The following BNC2 variants were observed in gnomAD, a reference collection of about 807,000 sequenced individuals.
The protein encoded by BNC2 is zinc finger protein basonuclin-2.
A neutral mutation model predicts 76.3 loss-of-function variants in BNC2; 20 were observed. That is an observed-to-expected ratio of 0.26 (90% CI 0.18 to 0.38). The LOEUF is 0.38. BNC2 is among the 10% of genes least tolerant of loss of function. BNC2 has a pLI of 1.00. For missense variants in BNC2, 1,382 were observed against 1,399.8 expected (o/e 0.99, Z 0.20); for synonymous variants, 582 against 514.8 (o/e 1.13, Z -1.77).
chr9:16,657,544 G>A lies in BNC2; in HGVS notation c.330+70253C>T, dbSNP rs574090926. 5.9e-5 allele frequency among the ~76,000 whole-genome samples: 9 copies of A among 152,300 alleles called. No individual in the cohort carries two copies. The East Asian group carries it at 1.4e-3, about 23-fold the overall frequency. On this transcript the variant is annotated intron_variant, in intron 3 of 6. Coordinates refer to ENST00000380672, the MANE Select transcript of BNC2 (RefSeq NM_017637.6). ...TTTATGTCCTCTTTCTAAAGGCTGAGTTCTGAATGGAAGTTGAGAGAAAGG... is the reference window on the plus strand; with the variant it reads ...TTTATGTCCTCTTTCTAAAGGCTGAATTCTGAATGGAAGTTGAGAGAAAGG...
chr9:16,725,435 T>A (rs1194158063), intron 3 of BNC2, among the ~76,000 whole-genome samples: 1 of 151,864 alleles, frequency 6.6e-6, no homozygotes, highest in Non-Finnish European at 1.5e-5. Flanking sequence ...TTTCCAAAAA[T>A]GCACAAGAGG....
intron 5 of BNC2, among the ~76,000 whole-genome samples, chr9:16,544,723 T>A (rs566862459): frequency 1.9e-4 from 28 of 150,426 alleles, no homozygotes; most frequent in Non-Finnish European, 3.7e-4. Context: ...GGCAGGAGAA[T>A]CACCCGAATC....
Position 16,413,070 on chromosome 9 carries a change from G to A in BNC2, c.*5919C>T, listed in dbSNP as rs1453386554. 6.6e-6 allele frequency: 1 copy of A among 152,602 alleles called. No individual in the cohort carries two copies. The highest frequency in any genetic ancestry group is 1.5e-5 in the Non-Finnish European group (1 of 68,040). 9.5% of individuals were successfully genotyped at this position (152,602 alleles called of 1,614,324 possible). On this transcript the variant is annotated 3_prime_UTR_variant, in exon 7 of 7. Transcript: ENST00000380672. ...GACAAGTATGTTATTAGAAAGATAC[G>A]AGGTGAAATTGAACTGAAGCTTCTT...
At chr9:16,717,427 G>GTA (rs1220314311) in intron 3 of BNC2, among the ~76,000 whole-genome samples, 1 of 152,116 alleles carries the variant, frequency 6.6e-6, no homozygotes, top group African/African-American at 2.4e-5. Context: ...TCTAAGGAAA[G>GTA]TATATACTTC....
intron 5 of BNC2, among the ~76,000 whole-genome samples, chr9:16,457,991 C>T (rs1364095877): frequency 1.3e-5 from 2 of 152,094 alleles, no homozygotes; most frequent in African/African-American, 2.4e-5. Context: ...TTCTGTTGCT[C>T]GATCCAGGAA....
intron 3 of BNC2, among the ~76,000 whole-genome samples, chr9:16,622,904 T>G (rs1467958865): frequency 6.6e-6 from 1 of 152,180 alleles, no homozygotes; most frequent in African/African-American, 2.4e-5. Flanking sequence ...ATTTCTCTAC[T>G]GTTAAAAAAC....
At position 16,663,515 on chromosome 9, in the gene BNC2, C is replaced by T. The variant is rs111379261; in HGVS notation, c.330+64282G>A. 5.6e-4 allele frequency among the ~76,000 whole-genome samples: 85 copies of T among 152,200 alleles called. 1 individual carries two copies. Among genetic ancestry groups the T allele is most frequent in the African/African-American group, 2.0e-3 (82 of 41,520 alleles). Reference sequence around the variant, plus strand: ...TCCAGCTCTGTGATTCTGGACTATACTATAAAAAGAAGGGACTGAACTTCA... The same window carrying T: ...TCCAGCTCTGTGATTCTGGACTATATTATAAAAAGAAGGGACTGAACTTCA... On this transcript the variant is annotated intron_variant, in intron 3 of 6. Transcript: ENST00000380672.
chr9:16,718,700 G>A (rs1044439015), intron 3 of BNC2, among the ~76,000 whole-genome samples: 7 of 152,148 alleles, frequency 4.6e-5, no homozygotes, highest in African/African-American at 1.7e-4. Context: ...AAGGAAAAAG[G>A]CTATATAGAT....
At chr9:16,714,292 A>G (rs1019453033) in intron 3 of BNC2, among the ~76,000 whole-genome samples, 1 of 152,258 alleles carries the variant, frequency 6.6e-6, no homozygotes, top group Non-Finnish European at 1.5e-5. Context: ...TATAAAAATT[A>G]ACAGCATCTA....
intron 1 of BNC2, among the ~76,000 whole-genome samples, chr9:16,869,574 C>T (rs1819625429): frequency 6.6e-6 from 1 of 152,204 alleles, no homozygotes; most frequent in Admixed American, 6.5e-5. Flanking sequence ...TATGTTCCCT[C>T]TATATACGGA....
At chr9:16,756,990 CAAAAAA>C (rs66931262) in intron 1 of BNC2, among the ~76,000 whole-genome samples, 21 of 133,536 alleles carry the variant, frequency 1.6e-4, no homozygotes, top group Non-Finnish European at 2.2e-4. Flanking sequence ...GACTCTGTCT[CAAAAAA>C]AAAAAAAAAA....
intron 5 of BNC2, among the ~76,000 whole-genome samples, chr9:16,488,965 G>T (rs1489627363): frequency 1.3e-5 from 2 of 152,226 alleles, no homozygotes; most frequent in African/African-American, 4.8e-5. Context: ...TGCCTAGTAA[G>T]CTCATTCAGT....
intron 2 of BNC2, among the ~76,000 whole-genome samples, chr9:16,737,777 C>A (rs564735094): frequency 6.6e-6 from 1 of 152,212 alleles, no homozygotes; most frequent in African/African-American, 2.4e-5. Context: ...AATACGAAGA[C>A]TTAACAGGTC....
At chr9:16,571,990 C>T (rs1167046189) in intron 4 of BNC2, among the ~76,000 whole-genome samples, 1 of 152,034 alleles carries the variant, frequency 6.6e-6, no homozygotes, top group Non-Finnish European at 1.5e-5. Context: ...GTTCTCCAAG[C>T]CAAACAGGTG....
chr9:16,485,386 T>C (rs1370594968), intron 5 of BNC2, among the ~76,000 whole-genome samples: 1 of 152,218 alleles, frequency 6.6e-6, no homozygotes, highest in East Asian at 1.9e-4. Context: ...GTCAGGGATG[T>C]TCATTAAGCA....
intron 4 of BNC2, among the ~76,000 whole-genome samples, chr9:16,578,919 T>C (rs188623392): frequency 8.5e-5 from 13 of 152,280 alleles, no homozygotes; most frequent in Non-Finnish European, 1.5e-4. Flanking sequence ...CTTGACAGAA[T>C]TAGAAATTCT....
At chr9:16,799,529 G>A (rs1817733170) in intron 1 of BNC2, among the ~76,000 whole-genome samples, 1 of 152,040 alleles carries the variant, frequency 6.6e-6, no homozygotes, top group Non-Finnish European at 1.5e-5. Flanking sequence ...TGGCCAGGCT[G>A]GTCTCGAACT....
intron 5 of BNC2, among the ~76,000 whole-genome samples, chr9:16,515,960 A>C (rs1563819896): frequency 6.7e-6 from 1 of 149,848 alleles, no homozygotes; most frequent in African/African-American, 2.4e-5. Context: ...AAAAAAAGTC[A>C]GACTGCCACT....
intron 6 of BNC2, among the ~76,000 whole-genome samples, chr9:16,422,774 G>C (rs1036418016): frequency 6.6e-6 from 1 of 152,112 alleles, no homozygotes; most frequent in Non-Finnish European, 1.5e-5. Flanking sequence ...AAGAGGTTAC[G>C]GTTCAGTCTC....
Sources: gnomAD v4.1 joint callset for allele counts (sites outside exome capture counted in the v4.1 genomes callset) on GRCh38, gnomAD v4.1.1 for gene constraint, MANE v1.5 for transcripts, NCBI Gene and HGNC (gene_info 2026-07-23, HGNC 2026-07-21) for gene names.